The following CDHR2 variants were observed in gnomAD, a reference collection of about 807,000 sequenced individuals.
CDHR2 encodes cadherin related family member 2.
A neutral mutation model predicts 138.6 loss-of-function variants in CDHR2; 104 were observed. That is an observed-to-expected ratio of 0.75 (90% CI 0.64 to 0.88). The LOEUF is 0.88. Among genes scored for constraint, CDHR2 ranks in the 40% least tolerant of loss-of-function variants. CDHR2 has a pLI of 0.00. For synonymous variants in CDHR2, 755 were observed against 742.8 expected (o/e 1.02, Z -0.27); for missense variants, 1,624 against 1,727.6 (o/e 0.94, Z 1.06).
chr5:176,569,450 A>G (rs1455341473), intron 5 of CDHR2, among the ~76,000 whole-genome samples: 1 of 151,744 alleles, frequency 6.6e-6, no homozygotes, highest in Non-Finnish European at 1.5e-5. Flanking sequence ...CGCCCGGCTA[A>G]TTTTTGTATT....
intron 7 of CDHR2, among the ~76,000 whole-genome samples, chr5:176,574,451 A>C (rs1000218139): frequency 1.3e-5 from 2 of 152,140 alleles, no homozygotes; most frequent in East Asian, 3.9e-4. Flanking sequence ...GTGTAAACCC[A>C]TTTCTCATGG....
intron 7 of CDHR2, 40 bp downstream of exon 7, chr5:176,574,212 AG>A: frequency 4.2e-6 from 6 of 1,437,520 alleles, no homozygotes; most frequent in Non-Finnish European, 5.9e-6. Flanking sequence ...TGTGACCGCC[AG>A]GGGGCAGCAT....
chr5:176,549,672 G>A (rs1757661151), intron 1 of CDHR2, among the ~76,000 whole-genome samples: 1 of 152,158 alleles, frequency 6.6e-6, no homozygotes, highest in Non-Finnish European at 1.5e-5. Flanking sequence ...CTCAAGGGAT[G>A]ATTCTTCAGA....
intron 30 of CDHR2, 117 bp from the exon 31 acceptor site, chr5:176,592,606 G>A (rs998092335): frequency 1.5e-5 from 12 of 788,762 alleles, no homozygotes; most frequent in Non-Finnish European, 2.5e-5. Flanking sequence ...TGGTGGTGAT[G>A]GTGATGATGG....
chr5:176,580,867 C>T (rs999445120), intron 16 of CDHR2, among the ~76,000 whole-genome samples: 2 of 151,492 alleles, frequency 1.3e-5, no homozygotes, highest in Admixed American at 6.6e-5. Flanking sequence ...GCAACAAGAG[C>T]GAAACTGTAT....
At chr5:176,542,514 G>C (rs547483340) in exon 1 of CDHR2, 1 of 152,236 alleles carries the variant, frequency 6.6e-6, no homozygotes, top group Non-Finnish European at 1.5e-5. Flanking sequence ...GTTCTGCAAA[G>C]GGGGCAGGAA....
chr5:176,577,882 G>A (rs1581142957), intron 14 of CDHR2, 84 bp downstream of exon 14: 50 of 1,300,776 alleles, frequency 3.8e-5, no homozygotes, highest in Middle Eastern at 2.2e-4. Context: ...GTGTGTGTAT[G>A]TGTGAGATGG....
chr5:176,571,215 G>A lies in CDHR2; in HGVS notation c.318G>A (p.Val106=). The change falls in exon 6 of 32, where the codon GTG becomes GTA. Residue 106 remains valine, a splice_region_variant and synonymous_variant. Coordinates refer to ENST00000261944, the MANE Select transcript of CDHR2 (RefSeq NM_017675.6). ...TISVSDPYIQ[V]QREMLVIVED... ...CCCCTGGGCTTTCTCACTTGCAGGT[G>A]CAGAGGGAGATGCTGGTGATTGTGG... 1 of 1,611,266 alleles carries A rather than the reference G, an allele frequency of 6.2e-7. No homozygotes were observed. Among genetic ancestry groups the A allele is most frequent in the Non-Finnish European group, 8.5e-7 (1 of 1,178,028 alleles).
intron 1 of CDHR2, among the ~76,000 whole-genome samples, chr5:176,558,968 G>T (rs2113266506): frequency 6.6e-6 from 1 of 152,350 alleles, no homozygotes; most frequent in African/African-American, 2.4e-5. Context: ...TGGGGCCTCA[G>T]CTGGGATTAT....
rs754282100 is a variant in CDHR2 at position 176,575,272 on chromosome 5, C to G, written c.622-8C>G. On this transcript the variant is annotated splice_polypyrimidine_tract_variant and splice_region_variant and intron_variant, in intron 8 of 31. Transcript: ENST00000261944. Reference sequence around the variant, plus strand: ...GGCGCTGGCTCACGGGTGGCCATCTCCCCGCAGGACTTGGGCGGCATGTAC... The same window carrying G: ...GGCGCTGGCTCACGGGTGGCCATCTGCCCGCAGGACTTGGGCGGCATGTAC... 1 of 1,614,170 alleles carries G rather than the reference C, an allele frequency of 6.2e-7. No homozygotes were observed. The highest frequency in any genetic ancestry group is 8.5e-7 in the Non-Finnish European group (1 of 1,179,996).
intron 16 of CDHR2, among the ~76,000 whole-genome samples, chr5:176,578,903 G>A (rs1383972875): frequency 6.6e-6 from 1 of 152,070 alleles, no homozygotes; most frequent in African/African-American, 2.4e-5. Context: ...AAGGACTTGA[G>A]GTGGCTTAGA....
chr5:176,558,721 C>T lies in CDHR2; in HGVS notation c.-15-6617C>T, dbSNP rs550041459. ...TTTTTTAATGGAGATAGGGTTTCAC[C>T]GTGTTAGCCAGGATGGTCTCGATCT... On this transcript the variant is annotated intron_variant, in intron 1 of 31. Coordinates refer to ENST00000261944, the MANE Select transcript of CDHR2 (RefSeq NM_017675.6). 2.2e-3 allele frequency among the ~76,000 whole-genome samples: 331 copies of T among 151,936 alleles called. 1 individual carries two copies. The highest frequency in any genetic ancestry group is 7.6e-3 in the African/African-American group (316 of 41,434).
intron 19 of CDHR2, 42 bp from the exon 20 acceptor site, chr5:176,585,912 A>C: frequency 6.6e-7 from 1 of 1,510,550 alleles, no homozygotes; most frequent in Non-Finnish European, 9.2e-7. Flanking sequence ...CTTTGGGTCA[A>C]GCTTTTGCCC....
chr5:176,562,274 G>A (rs1469859822), intron 1 of CDHR2, among the ~76,000 whole-genome samples: 1 of 152,112 alleles, frequency 6.6e-6, no homozygotes, highest in Non-Finnish European at 1.5e-5. Flanking sequence ...AGGCCTTGAG[G>A]AGGCTGAGGA....
chr5:176,566,827 T>C (rs1421523639), intron 3 of CDHR2: 1 of 416,212 alleles, frequency 2.4e-6, no homozygotes, highest in Non-Finnish European at 4.9e-6. Context: ...CAAGGGAACC[T>C]GGCAAATGTG....
rs374830805 is a variant in CDHR2, at chr5:176,580,074, C to A, written c.1819-1269C>A. Among the ~76,000 whole-genome samples the A allele has an allele frequency of 1.0e-3, 153 of 152,100 alleles. 2 individuals carry two copies. The highest frequency in any genetic ancestry group is 3.5e-3 in the African/African-American group (146 of 41,500). ...CACACTGGTTCACCCCAAAGACAAA[C>A]CAAGCATGCCTTCAGGGCCCTGGCA... is the stretch of plus-strand genomic sequence containing the variant. On this transcript the variant is annotated intron_variant, in intron 16 of 31. Coordinates refer to ENST00000261944, the MANE Select transcript of CDHR2 (RefSeq NM_017675.6).
chr5:176,542,927 C>T (rs1757485609), intron 1 of CDHR2, among the ~76,000 whole-genome samples: 1 of 152,038 alleles, frequency 6.6e-6, no homozygotes, highest in Admixed American at 6.5e-5. Flanking sequence ...AGCGCGTCTC[C>T]GGCTCGCGGT....
At chr5:176,566,008 G>A (rs982604307) in intron 3 of CDHR2, among the ~76,000 whole-genome samples, 1 of 151,798 alleles carries the variant, frequency 6.6e-6, no homozygotes, top group Non-Finnish European at 1.5e-5. Flanking sequence ...ATTGCCCATC[G>A]CTTTCAGTCT....
At chr5:176,595,251 T>C (rs1197861055) in intron 31 of CDHR2, among the ~76,000 whole-genome samples, 1 of 152,134 alleles carries the variant, frequency 6.6e-6, no homozygotes, top group South Asian at 2.1e-4. Context: ...CTGGCATTAT[T>C]TGGAACTGGG....
Sources: gnomAD v4.1 joint callset for allele counts (sites outside exome capture counted in the v4.1 genomes callset) on GRCh38, gnomAD v4.1.1 for gene constraint, MANE v1.5 for transcripts, NCBI Gene and HGNC (gene_info 2026-07-23, HGNC 2026-07-21) for gene names.